Variants in PDE4B observed in about 807,000 individuals in gnomAD.
The protein encoded by PDE4B is 3',5'-cyclic-AMP phosphodiesterase 4B.
In PDE4B, 20 loss-of-function variants were observed where a neutral mutation model predicts 82.2. That is an observed-to-expected ratio of 0.24 (90% CI 0.17 to 0.35). The LOEUF is 0.35. Ranked by LOEUF, PDE4B falls within the 10% of genes least tolerant of loss-of-function variation. The pLI, the probability that PDE4B is intolerant of heterozygous loss-of-function variation, is 1.00. For synonymous variants in PDE4B, 320 were observed against 318.9 expected, an observed-to-expected ratio of 1.00 and a Z score of -0.04; for missense variants, 655 against 907.2, an observed-to-expected ratio of 0.72 and a Z score of 3.57.
chr1:66,234,859 G>A (rs6588191), intron 3 of PDE4B, among the ~76,000 whole-genome samples: 31,290 of 151,928 alleles, frequency 0.21, 6,688 homozygotes, highest in African/African-American at 0.53. Context: ...GCTAGAAACG[G>A]AAGTCATTTT....
intron 3 of PDE4B, among the ~76,000 whole-genome samples, chr1:66,072,745 C>T (rs1656216749): frequency 6.6e-6 from 1 of 152,038 alleles, no homozygotes; most frequent in Non-Finnish European, 1.5e-5. Context: ...TTCTAGGTAA[C>T]CTGCTAGGTT....
At position 65,797,669 on chromosome 1, in the gene PDE4B, G is replaced by A. The variant is rs538055852; in HGVS notation, c.-71+4421G>A. Among the ~76,000 whole-genome samples the A allele has an allele frequency of 3.3e-5, 5 of 152,292 alleles. No homozygotes were observed. The East Asian group carries it at 9.7e-4, about 29-fold the overall frequency. On this transcript the variant is annotated intron_variant, in intron 1 of 16. Coordinates refer to ENST00000341517, the MANE Select transcript of PDE4B (RefSeq NM_002600.4). ...GTGTCTCTAAGTGACTTTCAGCCTT[G>A]CAGAAATAAGGAGCATTCTTAGACC...
chr1:65,996,470 G>A (rs1651548458), intron 3 of PDE4B, among the ~76,000 whole-genome samples: 1 of 151,974 alleles, frequency 6.6e-6, no homozygotes, highest in Non-Finnish European at 1.5e-5. Context: ...ATGTAATTGA[G>A]CACTGCTGTG....
chr1:66,140,470 A>G (rs1362738686), intron 3 of PDE4B, among the ~76,000 whole-genome samples: 1 of 152,240 alleles, frequency 6.6e-6, no homozygotes, highest in Admixed American at 6.5e-5. Context: ...AGATTCTTGA[A>G]TCATGTAAGA....
chr1:66,248,770 A>G (rs1383825285), intron 4 of PDE4B, among the ~76,000 whole-genome samples: 1 of 152,264 alleles, frequency 6.6e-6, no homozygotes, highest in Non-Finnish European at 1.5e-5. Context: ...CAGCTAAATA[A>G]GAAAGATAAG....
At chr1:66,233,067 C>T (rs1652113779) in intron 3 of PDE4B, among the ~76,000 whole-genome samples, 2 of 152,146 alleles carry the variant, frequency 1.3e-5, no homozygotes, top group Non-Finnish European at 2.9e-5. Context: ...GCTATCATTA[C>T]ATTGAAGATA....
At position 65,894,549 on chromosome 1, in the gene PDE4B, TG is replaced by T. The variant is rs146084901; in HGVS notation, c.-70-18695del. ...AAAATTCTAAACCTAAAAACTTTGC[TG>T]TTTAAAAGACATTGTGCAGAAAATA... On this transcript the variant is annotated intron_variant, in intron 1 of 16. Coordinates refer to ENST00000341517, the MANE Select transcript of PDE4B (RefSeq NM_002600.4). 1.6e-3 allele frequency among the ~76,000 whole-genome samples: 242 copies of T among 152,280 alleles called. 5 individuals carry two copies. In the East Asian group the frequency reaches 0.036, roughly 23 times the overall value.
chr1:65,920,065 T>A (rs549201492), intron 3 of PDE4B, among the ~76,000 whole-genome samples: 43 of 152,342 alleles, frequency 2.8e-4, no homozygotes, highest in Admixed American at 6.5e-4. Context: ...AAAGGGCACA[T>A]AGGGCTCCCC....
chr1:65,815,764 C>T (rs1645875745), intron 1 of PDE4B, among the ~76,000 whole-genome samples: 1 of 152,140 alleles, frequency 6.6e-6, no homozygotes, highest in Non-Finnish European at 1.5e-5. Context: ...ATGCACTTAT[C>T]AGTCAATAAT....
chr1:66,216,848 CT>C (rs1557640352), intron 3 of PDE4B, among the ~76,000 whole-genome samples: 1 of 152,060 alleles, frequency 6.6e-6, no homozygotes, highest in Non-Finnish European at 1.5e-5. Context: ...TTGCCAAATT[CT>C]TTTCTGGACT....
intron 3 of PDE4B, among the ~76,000 whole-genome samples, chr1:65,979,194 G>A (rs1650562399): frequency 6.6e-6 from 1 of 152,202 alleles, no homozygotes; most frequent in Admixed American, 6.5e-5. Context: ...GATATATAAT[G>A]TCAGTTAGGC....
At chr1:66,288,263 A>T (rs1301862340) in intron 7 of PDE4B, among the ~76,000 whole-genome samples, 1 of 151,958 alleles carries the variant, frequency 6.6e-6, no homozygotes, top group Non-Finnish European at 1.5e-5. Context: ...ATGAGAAATC[A>T]CTCACTACCG....
At chr1:66,184,204 G>A (rs1313077835) in intron 3 of PDE4B, among the ~76,000 whole-genome samples, 1 of 152,096 alleles carries the variant, frequency 6.6e-6, no homozygotes, top group Admixed American at 6.6e-5. Context: ...CTGTCCTTTA[G>A]TAAAATCCAT....
intron 7 of PDE4B, among the ~76,000 whole-genome samples, chr1:66,269,870 C>G (rs2101743624): frequency 6.6e-6 from 1 of 152,292 alleles, no homozygotes; most frequent in East Asian, 1.9e-4. Context: ...GTAAATGTGA[C>G]TTGATGTAAA....
chr1:66,319,178 C>A (rs933909273), intron 7 of PDE4B, among the ~76,000 whole-genome samples: 4 of 152,194 alleles, frequency 2.6e-5, no homozygotes, highest in African/African-American at 4.8e-5. Context: ...TAGCATCAGG[C>A]AGAGACACTC....
chr1:66,292,244 T>G (rs1164782126), intron 7 of PDE4B, among the ~76,000 whole-genome samples: 1 of 152,234 alleles, frequency 6.6e-6, no homozygotes, highest in Non-Finnish European at 1.5e-5. Flanking sequence ...AGCCAATAGT[T>G]GGTGAATGTT....
At chr1:66,215,289 C>T (rs1376716153) in intron 3 of PDE4B, among the ~76,000 whole-genome samples, 4 of 152,106 alleles carry the variant, frequency 2.6e-5, no homozygotes, top group Admixed American at 2.6e-4. Context: ...CAGTGAAGAA[C>T]ATCATTTTTT....
intron 6 of PDE4B, among the ~76,000 whole-genome samples, chr1:66,260,183 G>T (rs1020618967): frequency 6.6e-6 from 1 of 152,120 alleles, no homozygotes; most frequent in Non-Finnish European, 1.5e-5. Context: ...TAAAGGTATT[G>T]TTACCCCCAC....
In PDE4B at chr1:65,978,003, TTTTAA is replaced by T. The variant is rs1362771910; in HGVS notation, c.281+59182_281+59186del. Among the ~76,000 whole-genome samples, 10 of 150,734 alleles carry T rather than the reference TTTTAA, an allele frequency of 6.6e-5. No individual in the cohort carries two copies. The Admixed American group carries it at 6.7e-4, about 10-fold the overall frequency. ...GCGTTGTAAATGCAGCACCATTTAA[TTTTAA>T]TTTAATTTAATTTTTAATTTTTTTT... On this transcript the variant is annotated intron_variant, in intron 3 of 16. Coordinates refer to ENST00000341517, the MANE Select transcript of PDE4B (RefSeq NM_002600.4).
Sources: gnomAD v4.1 joint callset for allele counts (sites outside exome capture counted in the v4.1 genomes callset) on GRCh38, gnomAD v4.1.1 for gene constraint, MANE v1.5 for transcripts, NCBI Gene and HGNC (gene_info 2026-07-23, HGNC 2026-07-21) for gene names.